Variants in NRAP observed in about 807,000 individuals in gnomAD.
NRAP encodes nebulin-related-anchoring protein.
Under a neutral mutation model 225.9 loss-of-function variants are expected in NRAP, and 189 were observed. The ratio of observed to expected loss-of-function variants is 0.84; its 90% CI spans 0.74 to 0.94. NRAP has a LOEUF of 0.94. NRAP is among the 40% of genes least tolerant of loss of function. The probability of loss-of-function intolerance (pLI) is 0.00; values close to 1 mark genes in which losing one functional copy is unlikely to be tolerated. For missense variants in NRAP, 2,176 were observed against 2,168.7 expected, an observed-to-expected ratio of 1.00 and a Z score of -0.07; for synonymous variants, 769 against 790.7, an observed-to-expected ratio of 0.97 and a Z score of 0.46.
chr10:113,653,729 G>A (rs182157788), intron 5 of NRAP, among the ~76,000 whole-genome samples: 3 of 152,192 alleles, frequency 2.0e-5, no homozygotes, highest in East Asian at 1.9e-4. Flanking sequence ...ATGGGCCATT[G>A]GAGATGGTTC....
At chr10:113,625,943 T>G (rs779132197) in intron 21 of NRAP, 104 bp downstream of exon 21, 9 of 708,066 alleles carry the variant, frequency 1.3e-5, no homozygotes, top group African/African-American at 3.6e-5. Flanking sequence ...GGGAAGGCTC[T>G]TTGGTTTCTG....
intron 26 of NRAP, 50 bp from the exon 27 acceptor site, chr10:113,615,866 G>T (rs759218752): frequency 1.9e-6 from 2 of 1,029,538 alleles, no homozygotes; most frequent in Non-Finnish European, 1.5e-6. Flanking sequence ...ATTCCATGCA[G>T]CCATCAGCCA....
At position 113,610,451 on chromosome 10, in the gene NRAP, G is replaced by A; in HGVS notation, c.3603+8C>T. 2 of 1,325,028 alleles carry A rather than the reference G, an allele frequency of 1.5e-6. No individual in the cohort carries two copies. Among genetic ancestry groups the A allele is most frequent in the Non-Finnish European group, 2.2e-6 (2 of 915,032 alleles). 82.1% of individuals were successfully genotyped at this position (1,325,028 alleles called of 1,614,324 possible). A position where few individuals can be genotyped will look rare whatever the true frequency, so the allele number is the denominator to read the frequency against. On this transcript the variant is annotated splice_region_variant and intron_variant, in intron 31 of 41. Transcript: ENST00000359988. ...TCCTGGACACTCAACACCAGCATCT[G>A]TAGTTACCTCACTGATGAGTTCCGA...
intron 37 of NRAP, 38 bp from the exon 38 acceptor site, chr10:113,595,765 T>A: frequency 7.1e-7 from 1 of 1,416,522 alleles, no homozygotes; most frequent in South Asian, 1.2e-5. Context: ...TAGAGAACTG[T>A]GTGGGCTGAA....
chr10:113,629,120 T>C, intron 19 of NRAP, 99 bp from the exon 20 acceptor site: 1 of 889,526 alleles, frequency 1.1e-6, no homozygotes. Context: ...GCATTTGCCT[T>C]CCTAGAAGAA....
rs1406331045 is a variant in NRAP at position 113,623,761 on chromosome 10, GA to G, written c.2350-126del. ...TACTGATTATTACGTCCTTCTCTGA[GA>G]GCCACAGAAATCATGTAGTCTGAAT... On this transcript the variant is annotated intron_variant, in intron 22 of 41. Transcript: ENST00000359988. 3 of 656,504 alleles carry G rather than the reference GA, an allele frequency of 4.6e-6. No individual in the cohort carries two copies. The African/African-American group carries it at 5.4e-5, about 12-fold the overall frequency. The allele number at this position is 656,504 out of a possible 1,614,324, so 40.7% of individuals were successfully genotyped here.
intron 18 of NRAP, among the ~76,000 whole-genome samples, 189 bp from the exon 19 acceptor site, chr10:113,629,974 T>C (rs1592806853): frequency 6.6e-6 from 1 of 152,196 alleles, no homozygotes; most frequent in East Asian, 1.9e-4. Context: ...GAGCTGAGGT[T>C]CCATACTACT....
intron 18 of NRAP, 139 bp from the exon 19 acceptor site, chr10:113,629,924 A>G: frequency 1.6e-6 from 1 of 636,792 alleles, no homozygotes; most frequent in Non-Finnish European, 2.8e-6. Context: ...CTTCTGTCAG[A>G]AAGGCCCAAG....
In NRAP at chr10:113,620,596, A is replaced by T; in HGVS notation, c.2874+8T>A. ...CCAGGCCTGTTACAGGCTGTCAGGA[A>T]ATCTCACCTCGCTAATGAGTTCTCC... On this transcript the variant is annotated splice_region_variant and intron_variant, in intron 25 of 41. Coordinates refer to ENST00000359988, the MANE Select transcript of NRAP (RefSeq NM_198060.4). 1 of 1,575,608 alleles carries T rather than the reference A, an allele frequency of 6.3e-7. No individual in the cohort carries two copies. The highest frequency in any genetic ancestry group is 8.7e-7 in the Non-Finnish European group (1 of 1,144,994).
At chr10:113,627,524 T>C (rs1848353003) in intron 20 of NRAP, among the ~76,000 whole-genome samples, 1 of 152,206 alleles carries the variant, frequency 6.6e-6, no homozygotes, top group African/African-American at 2.4e-5. Flanking sequence ...GGGCTCTGAT[T>C]GCTCCACCTG....
chr10:113,590,692 C>T lies in NRAP; in HGVS notation c.4842G>A (p.Arg1614=). The T allele has an allele frequency of 1.2e-6, 2 of 1,614,186 alleles. No individual in the cohort carries two copies. Among genetic ancestry groups the T allele is most frequent in the Non-Finnish European group, 1.7e-6 (2 of 1,180,040 alleles). The change falls in exon 40 of 42, where the codon AGG becomes AGA. Residue 1614 remains arginine, a synonymous_variant. Coordinates refer to ENST00000359988, the MANE Select transcript of NRAP (RefSeq NM_198060.4). ...GCACATCACTGGCCAGCTGCTGGCT[C>T]CTCTTGGCCTGAAGGAGGCCGGGCT... ...TDQPGLLQAK[R]SQQLASDVHY...
At chr10:113,642,098 C>T (rs778392085) in intron 12 of NRAP, among the ~76,000 whole-genome samples, 1 of 152,040 alleles carries the variant, frequency 6.6e-6, no homozygotes, top group Non-Finnish European at 1.5e-5. Context: ...TTGCATTTCT[C>T]GGTACTGCTA....
At chr10:113,603,433 C>T (rs1013754010) in intron 35 of NRAP, among the ~76,000 whole-genome samples, 5 of 152,032 alleles carry the variant, frequency 3.3e-5, no homozygotes, top group African/African-American at 1.2e-4. Context: ...GAGCTCCCCC[C>T]AAGAGAGCAG....
chr10:113,650,237 T>G (rs1849859917), intron 8 of NRAP, 96 bp from the exon 9 acceptor site: 1 of 867,778 alleles, frequency 1.2e-6, no homozygotes, highest in African/African-American at 1.6e-5. Flanking sequence ...GTTCTTTTTC[T>G]GCTTGGATCT....
At chr10:113,630,510 G>C (rs1848520595) in intron 18 of NRAP, among the ~76,000 whole-genome samples, 1 of 152,130 alleles carries the variant, frequency 6.6e-6, no homozygotes, top group Non-Finnish European at 1.5e-5. Flanking sequence ...AAGATAGTAT[G>C]CTATAGTAGA....
chr10:113,598,056 G>A lies in NRAP; in HGVS notation c.4245C>T (p.Asp1415=). 1 of 1,613,310 alleles carries A rather than the reference G, an allele frequency of 6.2e-7. No homozygotes were observed. Among genetic ancestry groups the A allele is most frequent in the Non-Finnish European group, 8.5e-7 (1 of 1,179,558 alleles). Residue 1415 remains aspartate (D), a synonymous_variant, in exon 36 of 42, where the codon GAC becomes GAT. Coordinates refer to ENST00000359988, the MANE Select transcript of NRAP (RefSeq NM_198060.4). ...ALQSELRYKS[D]LIGMKGIGWL... ...ATCCTATGCCCTTCATGCCGATCAG[G>A]TCTGACTTGTAGCGCAACTGCAGGG...
At chr10:113,611,784 T>C (rs111744683) in intron 30 of NRAP, among the ~76,000 whole-genome samples, 19 of 152,276 alleles carry the variant, frequency 1.2e-4, no homozygotes, top group African/African-American at 4.3e-4. Flanking sequence ...TTCCTGAGAC[T>C]TGAGGCCAGA....
chr10:113,652,873 C>A (rs374850111), intron 6 of NRAP, 62 bp downstream of exon 6: 3 of 1,103,342 alleles, frequency 2.7e-6, no homozygotes, highest in Non-Finnish European at 1.4e-6. Flanking sequence ...CCCTAAATCA[C>A]GGGGGCTCAT....
At chr10:113,645,427 T>C (rs901793966) in intron 11 of NRAP, among the ~76,000 whole-genome samples, 2 of 152,164 alleles carry the variant, frequency 1.3e-5, no homozygotes, top group African/African-American at 4.8e-5. Flanking sequence ...TGTTTGTTTG[T>C]TTGTTTTGAG....
Sources: gnomAD v4.1 joint callset for allele counts (sites outside exome capture counted in the v4.1 genomes callset) on GRCh38, gnomAD v4.1.1 for gene constraint, MANE v1.5 for transcripts, NCBI Gene and HGNC (gene_info 2026-07-23, HGNC 2026-07-21) for gene names.